TNFAIP8: variants seen among roughly 807,000 people sequenced by gnomAD.
The protein encoded by TNFAIP8 is TNF alpha induced protein 8, also known as tumor necrosis factor alpha-induced protein 8.
Under a neutral mutation model 13.3 loss-of-function variants are expected in TNFAIP8, and 7 were observed. The observed-to-expected ratio is 0.52, with a 90% CI of 0.30 to 0.99. TNFAIP8 has a LOEUF of 0.99. Among genes scored for constraint, TNFAIP8 ranks in the 50% least tolerant of loss-of-function variants. The pLI is 0.07. For missense variants in TNFAIP8, 258 were observed against 236.9 expected (o/e 1.09, Z -0.58); for synonymous variants, 94 against 87.6 (o/e 1.07, Z -0.41).
At chr5:119,284,834 T>G (rs74732366) in intron 1 of TNFAIP8, among the ~76,000 whole-genome samples, 2 of 152,182 alleles carry the variant, frequency 1.3e-5, no homozygotes, top group African/African-American at 4.8e-5. Context: ...AGCATTTGCT[T>G]GTTAACAATA....
At chr5:119,287,280 GTTTTT>G (rs58452491) in intron 1 of TNFAIP8, among the ~76,000 whole-genome samples, 1 of 109,236 alleles carries the variant, frequency 9.2e-6, no homozygotes, top group Admixed American at 1.1e-4. Context: ...CAGTAACCAA[GTTTTT>G]TTTTTTTTTT....
At chr5:119,301,084 C>G (rs1158160057) in intron 1 of TNFAIP8, among the ~76,000 whole-genome samples, 1 of 152,200 alleles carries the variant, frequency 6.6e-6, no homozygotes, top group Non-Finnish European at 1.5e-5. Context: ...AGTCTCCTAA[C>G]CAGTCTCCCA....
intron 1 of TNFAIP8, among the ~76,000 whole-genome samples, chr5:119,312,423 T>C (rs971994670): frequency 2.2e-4 from 33 of 152,216 alleles, no homozygotes; most frequent in African/African-American, 6.8e-4. Context: ...GTGCTCACCA[T>C]ATTTTAATTT....
At chr5:119,376,265 C>T (rs1370492051) in intron 1 of TNFAIP8, among the ~76,000 whole-genome samples, 1 of 151,932 alleles carries the variant, frequency 6.6e-6, no homozygotes, top group East Asian at 1.9e-4. Flanking sequence ...CAGGCATGTG[C>T]CACCACAGCT....
chr5:119,378,317 GT>G (rs1178465309), intron 1 of TNFAIP8, among the ~76,000 whole-genome samples: 3 of 151,518 alleles, frequency 2.0e-5, no homozygotes, highest in East Asian at 1.9e-4. Context: ...AGAACTCTGG[GT>G]TTTTTTTTCC....
chr5:119,273,905 A>C (rs983814789), intron 1 of TNFAIP8, among the ~76,000 whole-genome samples: 1 of 152,050 alleles, frequency 6.6e-6, no homozygotes. Context: ...GCAACAGCTC[A>C]CTCTGTCAAT....
rs1268836037 is a variant in TNFAIP8, at chr5:119,268,966, T to C, written c.1+59T>C. 9.0e-6 allele frequency: 6 copies of C among 666,854 alleles called. No individual in the cohort carries two copies. In the South Asian group the frequency reaches 9.3e-5, roughly 10 times the overall value. 41.3% of individuals were successfully genotyped at this position (666,854 alleles called of 1,614,324 possible). ...CACTCCAGCGCGCCTCTCCCGCCGC[T>C]GGGCTGCGGGCTGCTCTCGGGGAGC... On this transcript the variant is annotated intron_variant, in intron 1 of 1. Coordinates refer to the TNFAIP8 transcript ENST00000274456.
At chr5:119,378,306 T>C (rs974393549) in intron 1 of TNFAIP8, among the ~76,000 whole-genome samples, 1 of 152,208 alleles carries the variant, frequency 6.6e-6, no homozygotes, top group Non-Finnish European at 1.5e-5. Flanking sequence ...ACTGCTTCTA[T>C]AGAACTCTGG....
rs879141216 is a variant in TNFAIP8 at position 119,270,392 on chromosome 5, A to G, written c.1+1485A>G. 2.0e-5 allele frequency among the ~76,000 whole-genome samples: 3 copies of G among 152,244 alleles called. 1 individual carries two copies. In the South Asian group the frequency reaches 6.2e-4, roughly 31 times the overall value. ...TAGACACGTTTATTGCCACCGTCTA[A>G]TTAGATCTGTCATGAGCAGTTAAGT... On this transcript the variant is annotated intron_variant, in intron 1 of 1. Transcript: ENST00000274456.
intron 1 of TNFAIP8, among the ~76,000 whole-genome samples, chr5:119,301,803 A>G (rs538518519): frequency 1.3e-5 from 2 of 152,324 alleles, no homozygotes; most frequent in East Asian, 3.9e-4. Flanking sequence ...ACGCAGTCCT[A>G]TTTCTTAGGA....
At chr5:119,294,030 CCTT>C (rs537265595) in intron 1 of TNFAIP8, among the ~76,000 whole-genome samples, 2 of 151,904 alleles carry the variant, frequency 1.3e-5, no homozygotes, top group East Asian at 3.9e-4. Flanking sequence ...CTTCCCAATA[CCTT>C]CTTTTTTTTC....
chr5:119,368,528 A>C lies in TNFAIP8; in HGVS notation c.31+12407A>C, dbSNP rs756195204. Among the ~76,000 whole-genome samples, 9 of 151,870 alleles carry C rather than the reference A, an allele frequency of 5.9e-5. 1 individual carries two copies. The highest frequency in any genetic ancestry group is 1.3e-4 in the Non-Finnish European group (9 of 68,002). ...ATTTCCTGGAAATACTAAATTAGTC[A>C]CAGCATTTATTAGATGAGAGTGTCT... On this transcript the variant is annotated intron_variant, in intron 1 of 1. Coordinates refer to ENST00000504771, the MANE Select transcript of TNFAIP8 (RefSeq NM_014350.4).
intron 1 of TNFAIP8, among the ~76,000 whole-genome samples, chr5:119,364,187 A>G (rs1175254547): frequency 2.0e-5 from 3 of 152,178 alleles, no homozygotes. Context: ...TTCGTCTGCT[A>G]ACCATTCCCC....
At chr5:119,353,192 C>G (rs747852438), upstream of TNFAIP8, among the ~76,000 whole-genome samples, 1 of 152,120 alleles carries the variant, frequency 6.6e-6, no homozygotes, top group Non-Finnish European at 1.5e-5. Flanking sequence ...CTTAAACATA[C>G]AAGAATCAAC....
At chr5:119,348,702 G>A (rs953945851) in intron 1 of TNFAIP8, among the ~76,000 whole-genome samples, 13 of 151,998 alleles carry the variant, frequency 8.6e-5, no homozygotes, top group Non-Finnish European at 1.3e-4. Flanking sequence ...CCAACATGGT[G>A]AAACCTTGTC....
chr5:119,350,015 T>C (rs963802228), intron 1 of TNFAIP8, among the ~76,000 whole-genome samples: 6 of 152,232 alleles, frequency 3.9e-5, no homozygotes, highest in African/African-American at 1.4e-4. Context: ...CTTGAGCAAA[T>C]CATGTAACCT....
At chr5:119,378,876 C>G (rs1329827012) in intron 1 of TNFAIP8, among the ~76,000 whole-genome samples, 2 of 152,094 alleles carry the variant, frequency 1.3e-5, no homozygotes, top group South Asian at 2.1e-4. Context: ...GAGTTTGAGA[C>G]CAGCCTGGCC....
intron 1 of TNFAIP8, among the ~76,000 whole-genome samples, chr5:119,286,904 C>T (rs996880639): frequency 6.6e-6 from 1 of 152,190 alleles, no homozygotes; most frequent in African/African-American, 2.4e-5. Context: ...TTGCCCCATC[C>T]TTCTCTCCAT....
chr5:119,344,098 G>T (rs574471681), intron 1 of TNFAIP8, among the ~76,000 whole-genome samples: 1 of 152,252 alleles, frequency 6.6e-6, no homozygotes, highest in South Asian at 2.1e-4. Flanking sequence ...AGTCTGTTTT[G>T]CATTGCCAAA....
Sources: allele counts gnomAD v4.1 joint callset (sites outside exome capture counted in the v4.1 genomes callset), GRCh38; gene constraint gnomAD v4.1.1; transcripts MANE v1.5; gene names NCBI Gene and HGNC (gene_info 2026-07-23, HGNC 2026-07-21).